Variants in CACNA1G observed in about 807,000 individuals in gnomAD.
The protein encoded by CACNA1G is calcium voltage-gated channel subunit alpha1 G, also known as voltage-dependent T-type calcium channel subunit alpha-1G.
CACNA1G carries 67 observed loss-of-function variants against 219.4 expected under a neutral mutation model. The observed-to-expected ratio is 0.31, with a 90% CI of 0.25 to 0.37. The LOEUF (loss-of-function observed/expected upper bound fraction) is 0.37. Among genes scored for constraint, CACNA1G ranks in the 10% least tolerant of loss-of-function variants. The probability of loss-of-function intolerance (pLI) is 1.00; values close to 1 mark genes in which losing one functional copy is unlikely to be tolerated. For missense variants in CACNA1G, 2,380 were observed against 3,231.4 expected, an observed-to-expected ratio of 0.74 and a Z score of 6.39; for synonymous variants, 1,296 against 1,345.3, an observed-to-expected ratio of 0.96 and a Z score of 0.80.
At chr17:50,607,720 A>T (rs1219738839) in intron 24 of CACNA1G, 107 bp from the exon 25 acceptor site, 2 of 867,216 alleles carry the variant, frequency 2.3e-6, no homozygotes, top group African/African-American at 3.3e-5. Context: ...ATCGCCTGTC[A>T]GGCGGCTGTA....
rs772352933 is a variant in CACNA1G at position 50,572,891 on chromosome 17, A to G, written c.1047+37A>G. The G allele has an allele frequency of 1.6e-5, 26 of 1,599,194 alleles. No individual in the cohort carries two copies. In the Admixed American group the frequency reaches 4.4e-4, roughly 27 times the overall value. ...TGGGCCCCGGGAGCTTCCCCAGAAC[A>G]CCAGCCCCAGGACACAGCCCAGGAT... is the stretch of plus-strand genomic sequence containing the variant. On this transcript the variant is annotated intron_variant, in intron 6 of 37. Transcript: ENST00000359106.
In CACNA1G at chr17:50,603,215, G is replaced by A; in HGVS notation, c.4169+16G>A. Reference sequence around the variant, plus strand: ...GCCCGCTCAGGTGACTCCCTCCCCAGCACTGGAACACCTCCAAGAGGTGGC... The same window carrying A: ...GCCCGCTCAGGTGACTCCCTCCCCAACACTGGAACACCTCCAAGAGGTGGC... On this transcript the variant is annotated intron_variant, in intron 21 of 37. Transcript: ENST00000359106. The surrounding 1 kb of genome is among the most constrained non-coding windows in gnomAD (Gnocchi z 6.4). 6.3e-7 allele frequency: 1 copy of A among 1,596,490 alleles called. No homozygotes were observed. Among genetic ancestry groups the A allele is most frequent in the South Asian group, 1.1e-5 (1 of 90,498 alleles).
chr17:50,578,429 C>T lies in CACNA1G; in HGVS notation c.2166C>T (p.Pro722=). 1.2e-6 allele frequency: 2 copies of T among 1,611,462 alleles called. No homozygotes were observed. Among genetic ancestry groups the T allele is most frequent in the South Asian group, 2.2e-5 (2 of 91,014 alleles). ...RQRSLGPDAE[P]SSVLAFWRLI... ...GGAGCCTGGGCCCAGATGCAGAGCC[C>T]AGCTCTGTGCTGGCCTTCTGGAGGC... The change falls in exon 9 of 38, where the codon CCC becomes CCT. Residue 722 remains proline, a synonymous_variant. Transcript: ENST00000359106. The surrounding 1 kb of genome is among the most constrained non-coding windows in gnomAD (Gnocchi z 4.5).
rs920744044 is a variant in CACNA1G, at chr17:50,590,694, G to A, written c.2453+72G>A. 11 of 1,454,610 alleles carry A rather than the reference G, an allele frequency of 7.6e-6. No individual in the cohort carries two copies. In the African/African-American group the frequency reaches 1.4e-4, roughly 18 times the overall value. The allele number at this position is 1,454,610 out of a possible 1,614,324, so 90.1% of individuals were successfully genotyped here. On this transcript the variant is annotated intron_variant, in intron 10 of 37. Coordinates refer to ENST00000359106, the MANE Select transcript of CACNA1G (RefSeq NM_018896.5). The stretch of plus-strand genomic sequence containing the variant: ...GGGGTGGCTTGGGGCCAGGGGCCAT[G>A]CCACCTATTCCCCTGGGGTGGAGGG...
chr17:50,575,759 C>T lies in CACNA1G; in HGVS notation c.1357C>T (p.Gln453Ter). The T allele has an allele frequency of 6.4e-7, 1 of 1,564,362 alleles. No individual in the cohort carries two copies. Among genetic ancestry groups the T allele is most frequent in the Non-Finnish European group, 8.7e-7 (1 of 1,154,780 alleles). ...ILRKAARRLA[Q>*]VSRAAGVRVG... is the part of the protein sequence containing the mutation. ...TCGTAAGGCAGCCCGCAGGCTGGCT[C>T]AGGTCTCTCGGGCAGCAGGTGTGCG... The change falls in exon 8 of 38, where the codon CAG (glutamine) becomes TAG (stop). Residue 453 changes from glutamine to a stop codon, truncating the protein, a stop_gained. Coordinates refer to ENST00000359106, the MANE Select transcript of CACNA1G (RefSeq NM_018896.5). LOFTEE classifies it high-confidence loss of function.
At chr17:50,624,207 C>A in intron 36 of CACNA1G, 132 bp downstream of exon 36, 2 of 1,295,086 alleles carry the variant, frequency 1.5e-6, no homozygotes, top group Admixed American at 2.1e-5. Context: ...GAGCCTCCAG[C>A]CTGGGGGAAT....
intron 22 of CACNA1G, 99 bp from the exon 23 acceptor site, chr17:50,605,799 T>A: frequency 1.4e-6 from 2 of 1,386,820 alleles, no homozygotes; most frequent in Non-Finnish European, 2.0e-6. Flanking sequence ...CCACACTCAC[T>A]CAAAATGTGC....
chr17:50,606,238 A>C, intron 23 of CACNA1G: 1 of 740,968 alleles, frequency 1.3e-6, no homozygotes, highest in Non-Finnish European at 2.5e-6. Flanking sequence ...GCCGTCCTTA[A>C]AGATGAAGAA....
intron 33 of CACNA1G, 124 bp from the exon 34 acceptor site, chr17:50,619,559 G>T: frequency 1.5e-6 from 1 of 677,518 alleles, no homozygotes; most frequent in Non-Finnish European, 2.3e-6. Context: ...CATGTGTGTT[G>T]TCTGGGTGTC....
In CACNA1G at chr17:50,594,852, C is replaced by T. The variant is rs535044382; in HGVS notation, c.2911-141C>T. The T allele has an allele frequency of 2.4e-5, 15 of 632,612 alleles. No individual in the cohort carries two copies. In the East Asian group the frequency reaches 2.5e-4, roughly 11 times the overall value. 39.2% of individuals were successfully genotyped at this position (632,612 alleles called of 1,614,324 possible). Reference sequence around the variant, plus strand: ...GGCTGTTCTGTCCCCTCTCTGCCCCCCCATTCCCCGTGTCTCTCAGTTCCC... The same window carrying T: ...GGCTGTTCTGTCCCCTCTCTGCCCCTCCATTCCCCGTGTCTCTCAGTTCCC... On this transcript the variant is annotated intron_variant, in intron 13 of 37. Coordinates refer to ENST00000359106, the MANE Select transcript of CACNA1G (RefSeq NM_018896.5).
At chr17:50,582,352 C>T (rs984620042) in intron 9 of CACNA1G, among the ~76,000 whole-genome samples, 5 of 152,136 alleles carry the variant, frequency 3.3e-5, no homozygotes, top group Non-Finnish European at 7.4e-5. Context: ...ATCTTCATCC[C>T]TGGAAATGGA....
intron 1 of CACNA1G, among the ~76,000 whole-genome samples, chr17:50,562,841 T>C (rs2036280398): frequency 6.6e-6 from 1 of 151,930 alleles, no homozygotes; most frequent in South Asian, 2.1e-4. Context: ...CAGGCTGGAG[T>C]GGTAGGGGAG....
rs1555657104 is a variant in CACNA1G at position 50,591,423 on chromosome 17, C to T, written c.2454-12C>T. 6.5e-7 allele frequency: 1 copy of T among 1,537,810 alleles called. No homozygotes were observed. Among genetic ancestry groups the T allele is most frequent in the Non-Finnish European group, 8.7e-7 (1 of 1,143,346 alleles). ...AGGTGCAGGGGGCTCAGGCTGCCTG[C>T]CCCCTTTGCAGCGTGTGGGAGATCG... On this transcript the variant is annotated splice_polypyrimidine_tract_variant and intron_variant, in intron 10 of 37. Coordinates refer to ENST00000359106, the MANE Select transcript of CACNA1G (RefSeq NM_018896.5).
At position 50,619,024 on chromosome 17, in the gene CACNA1G, C is replaced by G. The variant is rs773844981; in HGVS notation, c.5781+16C>G. 8.0e-6 allele frequency: 12 copies of G among 1,497,300 alleles called. No individual in the cohort carries two copies. The highest frequency in any genetic ancestry group is 1.1e-5 in the Non-Finnish European group (12 of 1,125,902). The allele number at this position is 1,497,300 out of a possible 1,614,324, so 92.8% of individuals were successfully genotyped here. A position where few individuals can be genotyped will look rare whatever the true frequency, so the allele number is the denominator to read the frequency against. On this transcript the variant is annotated intron_variant, in intron 33 of 37. Transcript: ENST00000359106. ...GCACCCCACGGTGAGCAGACACCCA[C>G]CCCAGCCGTGAGAGGAGCTGGGGCA...
Position 50,617,331 on chromosome 17 carries a change from C to T in CACNA1G, c.5022-107C>T, listed in dbSNP as rs983364316. On this transcript the variant is annotated intron_variant, in intron 28 of 37. Transcript: ENST00000359106. This position sits in a 1 kb window ranked among gnomAD's most constrained non-coding sequence, Gnocchi z 5.8. ...TCTCTGTGGGATGGGAGGCTGGACC[C>T]GCTGATGTCTGCCCTCCTTTCAAGC... 4.7e-6 allele frequency: 6 copies of T among 1,270,978 alleles called. No individual in the cohort carries two copies. The highest frequency in any genetic ancestry group is 6.5e-6 in the Non-Finnish European group (6 of 926,860). 78.7% of individuals were successfully genotyped at this position (1,270,978 alleles called of 1,614,324 possible).
In CACNA1G at chr17:50,581,334, C is replaced by T. The variant is rs534108210; in HGVS notation, c.2301+2770C>T. On this transcript the variant is annotated intron_variant, in intron 9 of 37. Transcript: ENST00000359106. ...GGAGCTGGCTGCATGAGGAGGCTCA[C>T]GGCTTCCCTGCGGTGCCCTTAATGA... is the stretch of plus-strand genomic sequence containing the variant. Among the ~76,000 whole-genome samples the T allele has an allele frequency of 2.0e-5, 3 of 152,028 alleles. No individual in the cohort carries two copies. In the South Asian group the frequency reaches 6.2e-4, roughly 32 times the overall value.
At chr17:50,562,158 G>A (rs928053218) in intron 1 of CACNA1G, 2 of 152,086 alleles carry the variant, frequency 1.3e-5, no homozygotes, top group Admixed American at 1.3e-4. Flanking sequence ...AGGAAGCTGC[G>A]GGGACGGAGG....
intron 26 of CACNA1G, among the ~76,000 whole-genome samples, chr17:50,610,910 G>A (rs914809047): frequency 2.0e-4 from 31 of 152,144 alleles, no homozygotes; most frequent in African/African-American, 6.5e-4. Context: ...AGTCTGTGGG[G>A]CCTTAACACA....
At chr17:50,589,217 A>G (rs1361923057) in intron 9 of CACNA1G, among the ~76,000 whole-genome samples, 4 of 152,074 alleles carry the variant, frequency 2.6e-5, no homozygotes, top group African/African-American at 9.6e-5. Flanking sequence ...TTCAACCAGA[A>G]CCAGGCTGAG....
Sources: gnomAD v4.1 joint callset for allele counts (sites outside exome capture counted in the v4.1 genomes callset) on GRCh38, gnomAD v4.1.1 for gene constraint, Gnocchi (gnomAD v3.1) non-coding constraint, MANE v1.5 for transcripts, NCBI Gene and HGNC (gene_info 2026-07-23, HGNC 2026-07-21) for gene names.